The following DNAJC13 variants were observed in gnomAD, a reference collection of about 807,000 sequenced individuals.
DNAJC13 encodes DnaJ heat shock protein family (Hsp40) member C13.
A neutral mutation model predicts 290.5 loss-of-function variants in DNAJC13; 75 were observed. The observed-to-expected ratio is 0.26, with a 90% CI of 0.21 to 0.31. The LOEUF (loss-of-function observed/expected upper bound fraction) is 0.31, where lower values mean the gene tolerates loss of function less well. Among genes scored for constraint, DNAJC13 ranks in the 10% least tolerant of loss-of-function variants. The pLI, the probability that DNAJC13 is intolerant of heterozygous loss-of-function variation, is 1.00. For missense variants in DNAJC13, 2,260 were observed against 2,674.5 expected, an observed-to-expected ratio of 0.85 and a Z score of 3.42; for synonymous variants, 862 against 892.0, an observed-to-expected ratio of 0.97 and a Z score of 0.60.
intron 54 of DNAJC13, among the ~76,000 whole-genome samples, chr3:132,529,996 C>G (rs1936367981): frequency 6.6e-6 from 1 of 152,084 alleles, no homozygotes; most frequent in African/African-American, 2.4e-5. Flanking sequence ...CCTCAGGATT[C>G]CTGGTAATGA....
At chr3:132,476,960 C>T (rs1192059865) in intron 22 of DNAJC13, among the ~76,000 whole-genome samples, 1 of 152,206 alleles carries the variant, frequency 6.6e-6, no homozygotes, top group Non-Finnish European at 1.5e-5. Flanking sequence ...TACTTACTGT[C>T]ACCCAACTAT....
chr3:132,497,536 G>A (rs890427493), intron 36 of DNAJC13, among the ~76,000 whole-genome samples: 1 of 152,116 alleles, frequency 6.6e-6, no homozygotes, highest in Admixed American at 6.5e-5. Context: ...TCTAGCAGTT[G>A]GATTATTAAA....
chr3:132,467,211 A>T lies in DNAJC13; in HGVS notation c.2106A>T (p.Arg702Ser). The T allele has an allele frequency of 1.2e-6, 2 of 1,613,946 alleles. No individual in the cohort carries two copies. The highest frequency in any genetic ancestry group is 1.7e-6 in the Non-Finnish European group (2 of 1,179,894). Residue 702 changes from arginine to serine, a missense_variant, in exon 20 of 56, where the codon AGA becomes AGT. Arg to Ser is a moderately radical substitution (Grantham distance 110). This residue lies in a region of DNAJC13 where 762 missense variants were observed against 964.1 expected (regional missense o/e 0.79). Transcript: ENST00000260818. ...TTAATAAAGTTCCAGAGTGGCAAAG[A>T]CTAGCTGGAAAAGCTGCTAAAGAAG... is the stretch of plus-strand genomic sequence containing the variant. ...GKFNKVPEWQ[R>S]LAGKAAKEVE...
chr3:132,509,846 G>T (rs866352537), intron 43 of DNAJC13, among the ~76,000 whole-genome samples: 5 of 152,110 alleles, frequency 3.3e-5, no homozygotes, highest in African/African-American at 1.2e-4. Context: ...ACACTTAATA[G>T]ACCACAGTAT....
chr3:132,441,260 G>A (rs533481640), intron 2 of DNAJC13, among the ~76,000 whole-genome samples: 1 of 152,320 alleles, frequency 6.6e-6, no homozygotes, highest in South Asian at 2.1e-4. Context: ...AATTTGTGGG[G>A]AAGTAGATGT....
chr3:132,463,850 A>G, intron 17 of DNAJC13, 33 bp downstream of exon 17: 1 of 1,596,828 alleles, frequency 6.3e-7, no homozygotes. Flanking sequence ...CTGCAATTTA[A>G]CTTCCTGTCT....
At chr3:132,431,749 A>C (rs1939245223) in intron 1 of DNAJC13, among the ~76,000 whole-genome samples, 1 of 152,200 alleles carries the variant, frequency 6.6e-6, no homozygotes, top group African/African-American at 2.4e-5. Context: ...CGTGTCCATC[A>C]ATTGACGAAT....
chr3:132,491,682 T>G (rs951299025), intron 32 of DNAJC13, among the ~76,000 whole-genome samples: 1 of 152,112 alleles, frequency 6.6e-6, no homozygotes, highest in Non-Finnish European at 1.5e-5. Context: ...ATATTTCCAG[T>G]GTCAAGGCTA....
intron 54 of DNAJC13, among the ~76,000 whole-genome samples, chr3:132,529,589 C>T (rs1384490963): frequency 6.6e-6 from 1 of 152,064 alleles, no homozygotes; most frequent in Non-Finnish European, 1.5e-5. Flanking sequence ...AGATCAAGAC[C>T]ATCTTGGCTA....
At chr3:132,533,647 C>A (rs1314547524) in intron 55 of DNAJC13, among the ~76,000 whole-genome samples, 2 of 152,116 alleles carry the variant, frequency 1.3e-5, no homozygotes, top group East Asian at 3.9e-4. Context: ...AGCCACTGCA[C>A]CTGGTCAGCC....
Position 132,456,294 on chromosome 3 carries a change from G to T in DNAJC13, c.992G>T (p.Cys331Phe). Residue 331 changes from cysteine (C) to phenylalanine (F), a missense_variant, in exon 10 of 56, where the codon TGT (cysteine) becomes TTT (phenylalanine). Physicochemically the swap from Cys to Phe is radical, Grantham distance 205 (BLOSUM62 -2). Coordinates refer to ENST00000260818, the MANE Select transcript of DNAJC13 (RefSeq NM_015268.4). ...AGAGCCTCTGGTAATAGAGATGTTT[G>T]TGTAAAAATGACACCAACCCATAAA... ...GVRASGNRDV[C>F]VKMTPTHKGQ... is the part of the protein sequence containing the mutation. The T allele has an allele frequency of 5.6e-6, 9 of 1,613,920 alleles. No homozygotes were observed. The highest frequency in any genetic ancestry group is 7.6e-6 in the Non-Finnish European group (9 of 1,179,876).
intron 39 of DNAJC13, among the ~76,000 whole-genome samples, chr3:132,501,719 A>T (rs77298252): frequency 4.7e-4 from 71 of 152,322 alleles, no homozygotes; most frequent in Non-Finnish European, 9.0e-4. Context: ...TGGGTAGATG[A>T]GATAGATGAC....
chr3:132,443,402 C>T (rs1933136288), intron 2 of DNAJC13, among the ~76,000 whole-genome samples: 2 of 152,178 alleles, frequency 1.3e-5, no homozygotes, highest in African/African-American at 4.8e-5. Flanking sequence ...ATCCTCCTGC[C>T]TCGGCCTCCC....
chr3:132,463,942 C>A, intron 17 of DNAJC13, 125 bp downstream of exon 17: 1 of 1,116,418 alleles, frequency 9.0e-7, no homozygotes, highest in Non-Finnish European at 1.2e-6. Context: ...CCACCTAGTT[C>A]TTTTCCTTTC....
rs377096498 is a variant in DNAJC13 at position 132,447,304 on chromosome 3, ATT to A, written c.145-5_145-4del. Reference sequence around the variant, plus strand: ...CTGTATTATAGTAGCACCAGTCAAAATTTTTTTTTTTTTAAGTGGCCTTATGG... The same window carrying A: ...CTGTATTATAGTAGCACCAGTCAAAATTTTTTTTTTTAAGTGGCCTTATGG... On this transcript the variant is annotated splice_polypyrimidine_tract_variant and intron_variant, in intron 3 of 55. Coordinates refer to ENST00000260818, the MANE Select transcript of DNAJC13 (RefSeq NM_015268.4). The A allele has an allele frequency of 3.3e-4, 381 of 1,153,178 alleles. No individual in the cohort carries two copies. Among genetic ancestry groups the A allele is most frequent in the South Asian group, 1.3e-3 (74 of 59,178 alleles). 71.4% of individuals were successfully genotyped at this position (1,153,178 alleles called of 1,614,324 possible).
chr3:132,463,627 A>C (rs1184209470), intron 16 of DNAJC13, 69 bp from the exon 17 acceptor site: 9 of 1,496,810 alleles, frequency 6.0e-6, no homozygotes, highest in Admixed American at 2.3e-5. Context: ...ATGTAAAATT[A>C]GTTTTTTAAA....
intron 1 of DNAJC13, among the ~76,000 whole-genome samples, chr3:132,421,466 T>G (rs370377640): frequency 3.7e-4 from 56 of 152,300 alleles, no homozygotes; most frequent in East Asian, 1.2e-3. Context: ...GAGATTTTTT[T>G]TGTGTGTGTG....
At chr3:132,485,170 C>T (rs1934815573) in intron 29 of DNAJC13, among the ~76,000 whole-genome samples, 1 of 152,002 alleles carries the variant, frequency 6.6e-6, no homozygotes, top group Non-Finnish European at 1.5e-5. Context: ...GACAGTCTTG[C>T]TCTGTTGCCC....
chr3:132,525,852 G>C (rs150640035), intron 52 of DNAJC13, 63 bp downstream of exon 52: 2 of 1,529,118 alleles, frequency 1.3e-6, no homozygotes, highest in Admixed American at 3.8e-5. Context: ...CCTTCTTGAC[G>C]GATATAAGTT....
Sources: gnomAD v4.1 joint callset for allele counts (sites outside exome capture counted in the v4.1 genomes callset) on GRCh38, gnomAD v4.1.1 for gene constraint, gnomAD v4.1.1 regional missense constraint, MANE v1.5 for transcripts, NCBI Gene and HGNC (gene_info 2026-07-23, HGNC 2026-07-21) for gene names.